The following MYO7A variants were observed in gnomAD, a reference collection of about 807,000 sequenced individuals.
MYO7A encodes unconventional myosin-VIIa.
MYO7A carries 210 observed loss-of-function variants against 263.8 expected under a neutral mutation model. The ratio of observed to expected loss-of-function variants is 0.80; its 90% CI spans 0.71 to 0.89. MYO7A has a LOEUF of 0.89. MYO7A is among the 40% of genes least tolerant of loss of function. The probability of loss-of-function intolerance (pLI) is 0.00; values close to 1 mark genes in which losing one functional copy is unlikely to be tolerated. For synonymous variants in MYO7A, 1,239 were observed against 1,197.3 expected (o/e 1.03, Z -0.72); for missense variants, 2,820 against 2,968.3 (o/e 0.95, Z 1.16).
rs7102638 is a variant in MYO7A at position 77,137,646 on chromosome 11, A to G, written c.19-5063A>G. ...TCCAGCCCTGTGTGGCTGCTAGGAC[A>G]CAGGAGGCCAGCTTGGCCCATTGCA... On this transcript the variant is annotated intron_variant, in intron 2 of 48. Coordinates refer to ENST00000409709, the MANE Select transcript of MYO7A (RefSeq NM_000260.4). Among the ~76,000 whole-genome samples the G allele has an allele frequency of 8.8e-3, 1,335 of 152,242 alleles. 21 individuals are homozygous for G. Among genetic ancestry groups the G allele is most frequent in the African/African-American group, 0.03 (1,252 of 41,556 alleles).
At chr11:77,175,303 G>A (rs528442685) in intron 17 of MYO7A, 69 bp from the exon 18 acceptor site, 22 of 1,428,262 alleles carry the variant, frequency 1.5e-5, no homozygotes, top group Admixed American at 1.2e-4. Context: ...TCTCAGCCTC[G>A]GGGACACTCC....
rs1233944637 is a variant in MYO7A, at chr11:77,211,071, GTTGGGGGTC to G, written c.6052-76_6052-68del. On this transcript the variant is annotated intron_variant, in intron 44 of 48. Transcript: ENST00000409709. The stretch of plus-strand genomic sequence containing the variant: ...GCGGGGTAAGGTGGTAGACCCCGGC[GTTGGGGGTC>G]TTGGTGTGGTGGGAAAGGAGCCCAC... 6.9e-5 allele frequency: 91 copies of G among 1,322,962 alleles called. No homozygotes were observed. The East Asian group carries it at 1.5e-3, about 22-fold the overall frequency. The allele number at this position is 1,322,962 out of a possible 1,614,324, so 82.0% of individuals were successfully genotyped here. A position where few individuals can be genotyped will look rare whatever the true frequency, so the allele number is the denominator to read the frequency against.
intron 3 of MYO7A, among the ~76,000 whole-genome samples, chr11:77,145,841 G>A (rs1195006174): frequency 6.6e-6 from 1 of 152,170 alleles, no homozygotes; most frequent in Non-Finnish European, 1.5e-5. Context: ...TGGGCAGGCT[G>A]CCACCCTCCT....
At position 77,184,794 on chromosome 11, in the gene MYO7A, G is replaced by A. The variant is rs781900948; in HGVS notation, c.3503+79G>A. 3 of 1,563,564 alleles carry A rather than the reference G, an allele frequency of 1.9e-6. No homozygotes were observed. In the African/African-American group the frequency reaches 4.1e-5, roughly 21 times the overall value. On this transcript the variant is annotated intron_variant, in intron 27 of 48. Transcript: ENST00000409709. ...TGGTGCCTCTGTCAACCTAGCAAGA[G>A]ATTAAGCCAAGCAGGCCTGGGTTTG...
chr11:77,214,066 G>A (rs1958021583), intron 48 of MYO7A, 87 bp downstream of exon 48: 1 of 1,570,100 alleles, frequency 6.4e-7, no homozygotes, highest in Non-Finnish European at 8.7e-7. Context: ...AAACACAGTA[G>A]TGTGCGGCTG....
intron 19 of MYO7A, 45 bp downstream of exon 19, chr11:77,177,688 G>C: frequency 6.7e-7 from 1 of 1,497,754 alleles, no homozygotes; most frequent in Non-Finnish European, 9.2e-7. Context: ...CCACATACAG[G>C]TGTACGTGTG....
chr11:77,177,084 G>A (rs1954709653), intron 18 of MYO7A, among the ~76,000 whole-genome samples: 1 of 152,138 alleles, frequency 6.6e-6, no homozygotes, highest in South Asian at 2.1e-4. Flanking sequence ...GTGTTGAGGA[G>A]GGTCCCTCTG....
intron 28 of MYO7A, 149 bp downstream of exon 28, chr11:77,189,619 C>G: frequency 1.6e-6 from 2 of 1,215,394 alleles, no homozygotes; most frequent in Non-Finnish European, 2.3e-6. Flanking sequence ...CTGGCACCCC[C>G]TCCTCTCAGG....
intron 15 of MYO7A, 138 bp from the exon 16 acceptor site, chr11:77,172,610 G>A: frequency 8.8e-7 from 1 of 1,130,198 alleles, no homozygotes; most frequent in East Asian, 2.6e-5. Context: ...GAGGCAGTTT[G>A]CAGGAAAACT....
chr11:77,134,199 G>C (rs1219291703), intron 2 of MYO7A, among the ~76,000 whole-genome samples: 2 of 152,136 alleles, frequency 1.3e-5, no homozygotes, highest in African/African-American at 4.8e-5. Context: ...CCAAACTGCT[G>C]GGATTACAGG....
chr11:77,193,932 C>G, intron 31 of MYO7A: 2 of 447,474 alleles, frequency 4.5e-6, no homozygotes, highest in East Asian at 1.4e-4. Flanking sequence ...TGATGCACTT[C>G]CCTCACTCTG....
chr11:77,165,802 C>T (rs1403458458), intron 14 of MYO7A, among the ~76,000 whole-genome samples: 1 of 152,202 alleles, frequency 6.6e-6, no homozygotes, highest in African/African-American at 2.4e-5. Flanking sequence ...GGCCTGCTTT[C>T]TCCTGGAGAC....
chr11:77,164,039 G>A (rs956325713), intron 14 of MYO7A, among the ~76,000 whole-genome samples: 1 of 152,160 alleles, frequency 6.6e-6, no homozygotes, highest in East Asian at 1.9e-4. Context: ...TCAAAGTCAG[G>A]CCTCGAACCA....
intron 2 of MYO7A, among the ~76,000 whole-genome samples, chr11:77,140,201 G>C (rs1404289252): frequency 6.6e-6 from 1 of 152,174 alleles, no homozygotes; most frequent in African/African-American, 2.4e-5. Flanking sequence ...CCTGTGCTGG[G>C]TTGAGGGATA....
rs1159850549 is a variant in MYO7A at position 77,211,037 on chromosome 11, G to A, written c.6052-115G>A. 37 of 939,954 alleles carry A rather than the reference G, an allele frequency of 3.9e-5. No individual in the cohort carries two copies. In the East Asian group the frequency reaches 9.6e-4, roughly 24 times the overall value. 58.2% of individuals were successfully genotyped at this position (939,954 alleles called of 1,614,324 possible). A position where few individuals can be genotyped will look rare whatever the true frequency, so the allele number is the denominator to read the frequency against. ...TCAGCTGAGGCTGGAGAGGTGGGTG[G>A]GCCCATGTGCGGGGTAAGGTGGTAG... On this transcript the variant is annotated intron_variant, in intron 44 of 48. Transcript: ENST00000409709.
chr11:77,154,906 C>T (rs960695999), intron 4 of MYO7A, among the ~76,000 whole-genome samples: 2 of 152,078 alleles, frequency 1.3e-5, no homozygotes, highest in African/African-American at 2.4e-5. Context: ...ACTCTCCCTG[C>T]GTGGCCACAG....
intron 27 of MYO7A, among the ~76,000 whole-genome samples, chr11:77,186,282 T>C (rs1261357565): frequency 2.0e-5 from 3 of 152,304 alleles, no homozygotes; most frequent in Middle Eastern, 3.4e-3. Flanking sequence ...TTGGCTTCAA[T>C]TGAAAGTCAG....
chr11:77,169,642 C>T (rs1184824570), intron 15 of MYO7A, among the ~76,000 whole-genome samples: 1 of 152,210 alleles, frequency 6.6e-6, no homozygotes, highest in Non-Finnish European at 1.5e-5. Context: ...AAATCAGAAA[C>T]CCAGATGGCT....
At position 77,161,032 on chromosome 11, in the gene MYO7A, GCCTC is replaced by G. The variant is rs782198012; in HGVS notation, c.1267_1270del (p.Ser423ArgfsTer3). The G allele has an allele frequency of 1.2e-6, 2 of 1,613,646 alleles. No individual in the cohort carries two copies. The highest frequency in any genetic ancestry group is 2.2e-5 in the South Asian group (2 of 90,956). On this transcript the variant is annotated frameshift_variant, in exon 12 of 49. Coordinates refer to ENST00000409709, the MANE Select transcript of MYO7A (RefSeq NM_000260.4). LOFTEE classifies it high-confidence loss of function. ...ACAAGATCAACGCAGCAATTTACAA[GCCTC>G]CCTCCCAGGATGTGAAGAACTCTCG...
Sources: gnomAD v4.1 joint callset for allele counts (sites outside exome capture counted in the v4.1 genomes callset) on GRCh38, gnomAD v4.1.1 for gene constraint, MANE v1.5 for transcripts, NCBI Gene and HGNC (gene_info 2026-07-23, HGNC 2026-07-21) for gene names.